MAP3K13: variants seen among roughly 807,000 people sequenced by gnomAD.
The protein encoded by MAP3K13 is leucine zipper-bearing kinase.
MAP3K13 carries 52 observed loss-of-function variants against 104.0 expected under a neutral mutation model. The observed-to-expected ratio is 0.50, with a 90% CI of 0.40 to 0.63. The LOEUF is 0.63. Ranked by LOEUF, MAP3K13 falls within the 20% of genes least tolerant of loss-of-function variation. The pLI is 0.00. For missense variants in MAP3K13, 914 were observed against 1,218.5 expected (o/e 0.75, Z 3.72); for synonymous variants, 394 against 442.2 (o/e 0.89, Z 1.37).
At chr3:185,389,550 AT>A (rs199797954) in intron 1 of MAP3K13, among the ~76,000 whole-genome samples, 61 of 151,612 alleles carry the variant, frequency 4.0e-4, no homozygotes, top group Non-Finnish European at 7.7e-4. Context: ...CCTGGGGGAA[AT>A]TTTTTTTTAA....
intron 1 of MAP3K13, among the ~76,000 whole-genome samples, chr3:185,377,205 G>T (rs1009975950): frequency 6.6e-6 from 1 of 152,224 alleles, no homozygotes; most frequent in Admixed American, 6.5e-5. Context: ...TGTAAGAAGA[G>T]TTTATAGGCT....
chr3:185,360,674 C>G (rs1202221670), upstream of MAP3K13, among the ~76,000 whole-genome samples: 4 of 152,032 alleles, frequency 2.6e-5, no homozygotes, highest in Non-Finnish European at 5.9e-5. Flanking sequence ...TATATTGAGC[C>G]AAGAATCTTA....
rs1327950031 is a variant in MAP3K13 at position 185,455,274 on chromosome 3, TGA to T, written c.1278+3882_1278+3883del. ...ATATATGAGATATATGAGATATATA[TGA>T]GATATATGAGATATATATATGAGAT... On this transcript the variant is annotated intron_variant, in intron 7 of 13. Coordinates refer to ENST00000265026, the MANE Select transcript of MAP3K13 (RefSeq NM_004721.5). 5.3e-5 allele frequency among the ~76,000 whole-genome samples: 2 copies of T among 37,558 alleles called. 1 individual carries two copies. The highest frequency in any genetic ancestry group is 1.5e-4 in the Non-Finnish European group (2 of 13,664). 24.6% of individuals were successfully genotyped at this position (37,558 alleles called of 152,430 possible). A position where few individuals can be genotyped will look rare whatever the true frequency, so the allele number is the denominator to read the frequency against.
intron 1 of MAP3K13, among the ~76,000 whole-genome samples, chr3:185,388,575 G>C (rs1711841814): frequency 6.6e-6 from 1 of 152,046 alleles, no homozygotes; most frequent in South Asian, 2.1e-4. Flanking sequence ...TCATGGATCG[G>C]AAGAATTAAT....
At chr3:185,317,984 GA>G (rs1332658847) in intron 2 of MAP3K13, among the ~76,000 whole-genome samples, 2 of 151,338 alleles carry the variant, frequency 1.3e-5, no homozygotes, top group African/African-American at 2.4e-5. Flanking sequence ...AAAAGCGAAG[GA>G]AAAAAATTGC....
intron 2 of MAP3K13, among the ~76,000 whole-genome samples, chr3:185,324,553 C>T (rs1052008036): frequency 1.3e-5 from 2 of 152,134 alleles, no homozygotes; most frequent in Admixed American, 1.3e-4. Flanking sequence ...TCAACAACCA[C>T]CCCTGCTATG....
At position 185,451,369 on chromosome 3, in the gene MAP3K13, C is replaced by T. The variant is rs1715870762; in HGVS notation, c.1252C>T (p.Pro418Ser). The T allele has an allele frequency of 6.2e-7, 1 of 1,613,386 alleles. No homozygotes were observed. ...TGCCTCTGCAGATGTACTTGCCACC[C>T]CACAAGAAACTTACTTCAAGTCTCA... is the stretch of plus-strand genomic sequence containing the variant. Reference protein sequence around the residue: ...DIASADVLATPQETYFKSQAE... With the variant: ...DIASADVLATSQETYFKSQAE... Residue 418 changes from proline (P) to serine (S), a missense_variant, in exon 7 of 14, where the codon CCA becomes TCA. Pro to Ser is a moderately conservative substitution (Grantham distance 74, BLOSUM62 -1). Coordinates refer to ENST00000265026, the MANE Select transcript of MAP3K13 (RefSeq NM_004721.5).
chr3:185,336,223 A>G (rs975885026), intron 2 of MAP3K13, among the ~76,000 whole-genome samples: 1 of 152,150 alleles, frequency 6.6e-6, no homozygotes, highest in Non-Finnish European at 1.5e-5. Context: ...TCAAAATGGA[A>G]TGTAATGTCA....
chr3:185,331,473 T>C (rs1164885320), intron 2 of MAP3K13, among the ~76,000 whole-genome samples: 1 of 150,316 alleles, frequency 6.7e-6, no homozygotes, highest in Non-Finnish European at 1.5e-5. Flanking sequence ...TGTACATATA[T>C]GTATGCCTGT....
chr3:185,361,646 G>A (rs769719115), upstream of MAP3K13, among the ~76,000 whole-genome samples: 5 of 152,086 alleles, frequency 3.3e-5, no homozygotes, highest in Non-Finnish European at 5.9e-5. Flanking sequence ...CTCGTGATCC[G>A]CCCACCTTGG....
At chr3:185,448,066 T>G in intron 5 of MAP3K13, 119 bp downstream of exon 5, 2 of 1,138,966 alleles carry the variant, frequency 1.8e-6, no homozygotes, top group Non-Finnish European at 2.7e-6. Context: ...TCACTTTTGG[T>G]TGATTTCAGC....
At chr3:185,455,414 GATATATATGATATATATGAGAT>G (rs1280429317) in intron 7 of MAP3K13, among the ~76,000 whole-genome samples, 2 of 49,220 alleles carry the variant, frequency 4.1e-5, no homozygotes, top group Non-Finnish European at 8.2e-5. Flanking sequence ...ATATATATGA[GATATATATGATATATATGAGAT>G]ATATATATGA....
At position 185,487,637 on chromosome 3, in the gene MAP3K13, T is replaced by A. The variant is rs1414599215; in HGVS notation, c.*5181T>A. On this transcript the variant is annotated 3_prime_UTR_variant, in exon 14 of 14. Transcript: ENST00000265026. ...ACTTGAACTTCCTGGAACTGAATTC[T>A]CCAGAACATAATATTTATAATCCAT... is the stretch of plus-strand genomic sequence containing the variant. The A allele has an allele frequency of 6.6e-6, 1 of 152,112 alleles. No homozygotes were observed. Among genetic ancestry groups the A allele is most frequent in the East Asian group, 1.9e-4 (1 of 5,196 alleles). The allele number at this position is 152,112 out of a possible 1,614,324, so 9.4% of individuals were successfully genotyped here. A position where few individuals can be genotyped will look rare whatever the true frequency, so the allele number is the denominator to read the frequency against.
intron 1 of MAP3K13, among the ~76,000 whole-genome samples, chr3:185,409,197 G>A (rs1261893104): frequency 2.6e-5 from 4 of 152,054 alleles, no homozygotes; most frequent in South Asian, 4.1e-4. Context: ...GTGAAACCCC[G>A]TCTCTACCAA....
intron 1 of MAP3K13, among the ~76,000 whole-genome samples, chr3:185,368,442 GAA>G (rs772552127): frequency 1.3e-5 from 2 of 152,184 alleles, no homozygotes; most frequent in Non-Finnish European, 2.9e-5. Context: ...AATGGGCAAA[GAA>G]AGAGTAAGGT....
intron 4 of MAP3K13, among the ~76,000 whole-genome samples, chr3:185,444,072 C>T (rs571445865): frequency 4.6e-5 from 7 of 152,202 alleles, no homozygotes; most frequent in South Asian, 2.1e-4. Flanking sequence ...GAGTGGCTCA[C>T]GCCTGTAATC....
upstream of MAP3K13, among the ~76,000 whole-genome samples, chr3:185,360,333 A>G (rs958204262): frequency 6.6e-6 from 1 of 152,222 alleles, no homozygotes. Context: ...AACACTAGCC[A>G]TCTTTCAAAT....
intron 1 of MAP3K13, among the ~76,000 whole-genome samples, chr3:185,388,090 T>A (rs1316337842): frequency 4.2e-5 from 6 of 143,974 alleles, no homozygotes; most frequent in Non-Finnish European, 7.6e-5. Flanking sequence ...AGCTGAAAAA[T>A]AATCAAGAAA....
chr3:185,459,543 G>A (rs2148911724), intron 7 of MAP3K13, among the ~76,000 whole-genome samples: 1 of 152,192 alleles, frequency 6.6e-6, no homozygotes, highest in South Asian at 2.1e-4. Flanking sequence ...CACCTCCCAG[G>A]TTCAAGCTAT....
Sources: allele counts gnomAD v4.1 joint callset (sites outside exome capture counted in the v4.1 genomes callset), GRCh38; gene constraint gnomAD v4.1.1; transcripts MANE v1.5; gene names NCBI Gene and HGNC (gene_info 2026-07-23, HGNC 2026-07-21).